Variants in UBXN4 observed in about 807,000 individuals in gnomAD.
UBXN4 encodes UBX domain-containing protein 4.
In UBXN4, 35 loss-of-function variants were observed where a neutral mutation model predicts 66.2. The ratio of observed to expected loss-of-function variants is 0.53; its 90% CI spans 0.40 to 0.70. UBXN4 has a LOEUF of 0.70. UBXN4 is among the 30% of genes least tolerant of loss of function. UBXN4 has a pLI of 0.00. For synonymous variants in UBXN4, 203 were observed against 204.5 expected, an observed-to-expected ratio of 0.99 and a Z score of 0.06; for missense variants, 533 against 599.8, an observed-to-expected ratio of 0.89 and a Z score of 1.16.
chr2:135,780,406 C>T (rs2077442396), intron 12 of UBXN4, 21 bp downstream of exon 12: 2 of 1,608,014 alleles, frequency 1.2e-6, no homozygotes, highest in South Asian at 2.2e-5. Context: ...GTGTTTTCCC[C>T]ATTTATAAAA....
chr2:135,751,891 T>C (rs2077244428), intron 2 of UBXN4, among the ~76,000 whole-genome samples: 1 of 152,114 alleles, frequency 6.6e-6, no homozygotes, highest in Non-Finnish European at 1.5e-5. Flanking sequence ...CATTGATGAG[T>C]ATCTCTTACT....
intron 11 of UBXN4, among the ~76,000 whole-genome samples, chr2:135,779,320 TA>T (rs1461013563): frequency 1.2e-4 from 1 of 8,186 alleles, no homozygotes; most frequent in African/African-American, 1.4e-4. Flanking sequence ...TATTTTTGTG[TA>T]CAAAAAAAAT....
At chr2:135,752,776 A>G (rs561009351) in intron 2 of UBXN4, among the ~76,000 whole-genome samples, 13 of 152,114 alleles carry the variant, frequency 8.5e-5, no homozygotes, top group African/African-American at 1.9e-4. Context: ...GCTGGAGTGC[A>G]GTGGCGCGAT....
At chr2:135,761,533 A>G (rs1279932373) in intron 5 of UBXN4, among the ~76,000 whole-genome samples, 5 of 152,180 alleles carry the variant, frequency 3.3e-5, no homozygotes, top group African/African-American at 9.7e-5. Flanking sequence ...AAGGCTACCC[A>G]TAGCCAGGCA....
intron 6 of UBXN4, among the ~76,000 whole-genome samples, chr2:135,765,207 TG>T (rs1181734373): frequency 1.0e-3 from 155 of 151,924 alleles, no homozygotes; most frequent in Admixed American, 1.9e-3. Context: ...TATTTCATTA[TG>T]TTTTTTTTTT....
chr2:135,762,952 C>T (rs1218570749), intron 6 of UBXN4, among the ~76,000 whole-genome samples: 1 of 152,092 alleles, frequency 6.6e-6, no homozygotes, highest in Non-Finnish European at 1.5e-5. Context: ...CATCAGGTAG[C>T]CCTTTATTTT....
intron 4 of UBXN4, among the ~76,000 whole-genome samples, chr2:135,754,848 G>A: frequency 6.6e-6 from 1 of 152,108 alleles, no homozygotes; most frequent in East Asian, 1.9e-4. Context: ...GCAGTGGACT[G>A]ATCTCAGCTC....
chr2:135,776,044 C>G (rs543253237), intron 9 of UBXN4, among the ~76,000 whole-genome samples: 2 of 152,316 alleles, frequency 1.3e-5, no homozygotes, highest in Non-Finnish European at 2.9e-5. Flanking sequence ...GCTGGGATTA[C>G]AGGCGTGAGC....
intron 5 of UBXN4, among the ~76,000 whole-genome samples, chr2:135,758,489 C>T (rs1373977167): frequency 6.6e-6 from 1 of 152,112 alleles, no homozygotes; most frequent in African/African-American, 2.4e-5. Context: ...GCTGGGATTA[C>T]AGGCATGAGT....
chr2:135,783,815 GT>G lies in UBXN4; in HGVS notation c.*933del, dbSNP rs1466349357. 6.6e-6 allele frequency: 1 copy of G among 152,124 alleles called. No homozygotes were observed. Among genetic ancestry groups the G allele is most frequent in the Non-Finnish European group, 1.5e-5 (1 of 68,026 alleles). The allele number at this position is 152,124 out of a possible 1,614,324, so 9.4% of individuals were successfully genotyped here. Reference sequence around the variant, plus strand: ...ATAAAAATATGCCTTTAGTCATTTGGTTTTTCTTAAAAAGTTGAGATTCTTA... The same window carrying G: ...ATAAAAATATGCCTTTAGTCATTTGGTTTTCTTAAAAAGTTGAGATTCTTA... On this transcript the variant is annotated 3_prime_UTR_variant, in exon 13 of 13. Coordinates refer to ENST00000272638, the MANE Select transcript of UBXN4 (RefSeq NM_014607.4).
chr2:135,745,786 G>A (rs907274999), intron 1 of UBXN4, among the ~76,000 whole-genome samples: 7 of 148,860 alleles, frequency 4.7e-5, no homozygotes, highest in Non-Finnish European at 7.4e-5. Flanking sequence ...GTAACTTCTC[G>A]TTATTTTGCA....
intron 1 of UBXN4, among the ~76,000 whole-genome samples, chr2:135,746,531 A>C (rs7589832): frequency 0.21 from 32,685 of 152,168 alleles, 4,026 homozygotes; most frequent in Middle Eastern, 0.57. Context: ...TGTAATTTTA[A>C]AGTAAGTGAG....
chr2:135,754,622 C>T (rs2077268522), intron 4 of UBXN4, among the ~76,000 whole-genome samples: 1 of 151,914 alleles, frequency 6.6e-6, no homozygotes, highest in Non-Finnish European at 1.5e-5. Flanking sequence ...CGCACCCTTC[C>T]TAACATTGGA....
chr2:135,762,989 A>G (rs1360928393), intron 6 of UBXN4, among the ~76,000 whole-genome samples: 1 of 152,168 alleles, frequency 6.6e-6, no homozygotes, highest in African/African-American at 2.4e-5. Flanking sequence ...CTATTTAGTT[A>G]TACTGGAAAA....
rs937792909 is a variant in UBXN4 at position 135,776,369 on chromosome 2, G to A, written c.1053+18G>A. 6.9e-6 allele frequency: 11 copies of A among 1,594,694 alleles called. No individual in the cohort carries two copies. The African/African-American group carries it at 1.5e-4, about 22-fold the overall frequency. The stretch of plus-strand genomic sequence containing the variant: ...CTGCACAGGTAAATTTATGTCTTGA[G>A]TTGTAGTAAAAATAGATGTGTAGGT... On this transcript the variant is annotated intron_variant, in intron 10 of 12. Coordinates refer to ENST00000272638, the MANE Select transcript of UBXN4 (RefSeq NM_014607.4).
intron 6 of UBXN4, among the ~76,000 whole-genome samples, chr2:135,767,058 G>A (rs1344631671): frequency 6.6e-6 from 1 of 151,912 alleles, no homozygotes; most frequent in Non-Finnish European, 1.5e-5. Context: ...CCAGATGAAG[G>A]AATAGAAAAT....
At chr2:135,772,645 C>G in intron 9 of UBXN4, 98 bp downstream of exon 9, 5 of 1,437,902 alleles carry the variant, frequency 3.5e-6, no homozygotes, top group Non-Finnish European at 3.8e-6. Context: ...TGGTTATAAG[C>G]AGTCCATTCC....
chr2:135,755,775 A>G, intron 5 of UBXN4, 84 bp downstream of exon 5: 1 of 877,102 alleles, frequency 1.1e-6, no homozygotes, highest in Non-Finnish European at 1.4e-6. Context: ...TTAAAAATAT[A>G]TTGTATGTAT....
chr2:135,755,815 T>A, intron 5 of UBXN4, 124 bp downstream of exon 5: 1 of 623,238 alleles, frequency 1.6e-6, no homozygotes, highest in Non-Finnish European at 2.1e-6. Context: ...ACTTAAAATT[T>A]AAGAGTCATA....
Sources: gnomAD v4.1 joint callset for allele counts (sites outside exome capture counted in the v4.1 genomes callset) on GRCh38, gnomAD v4.1.1 for gene constraint, MANE v1.5 for transcripts, NCBI Gene and HGNC (gene_info 2026-07-23, HGNC 2026-07-21) for gene names.